EPB41L2: variants seen among roughly 807,000 people sequenced by gnomAD.
EPB41L2 encodes band 4.1-like protein 2.
Under a neutral mutation model 113.0 loss-of-function variants are expected in EPB41L2, and 43 were observed. The ratio of observed to expected loss-of-function variants is 0.38; its 90% CI spans 0.30 to 0.49. The LOEUF (loss-of-function observed/expected upper bound fraction) is 0.49. Ranked by LOEUF, EPB41L2 falls within the 20% of genes least tolerant of loss-of-function variation. EPB41L2 has a pLI of 0.95. For synonymous variants in EPB41L2, 442 were observed against 436.7 expected (o/e 1.01, Z -0.15); for missense variants, 1,147 against 1,223.4 (o/e 0.94, Z 0.93).
At chr6:131,046,159 A>C (rs1446916874) in intron 1 of EPB41L2, among the ~76,000 whole-genome samples, 1 of 150,260 alleles carries the variant, frequency 6.7e-6, no homozygotes, top group African/African-American at 2.5e-5. Flanking sequence ...GACTGAAGCA[A>C]TCCTCCTGCC....
chr6:130,923,406 G>A (rs773851312), intron 4 of EPB41L2, among the ~76,000 whole-genome samples: 4 of 152,146 alleles, frequency 2.6e-5, no homozygotes, highest in Admixed American at 6.5e-5. Context: ...ATAGCCTTAA[G>A]TGGCCCTGCA....
intron 1 of EPB41L2, chr6:131,014,183 C>A (rs1009281537): frequency 6.6e-6 from 1 of 152,052 alleles, no homozygotes; most frequent in Admixed American, 6.6e-5. Flanking sequence ...CAGGATGAAG[C>A]CGAAGTTCTT....
intron 14 of EPB41L2, chr6:130,872,529 C>A: frequency 7.8e-7 from 1 of 1,289,176 alleles, no homozygotes; most frequent in African/African-American, 1.5e-5. Context: ...GTTATCTCCT[C>A]TTCTAGGCTC....
chr6:130,904,881 A>G (rs1797264043), intron 5 of EPB41L2, among the ~76,000 whole-genome samples: 1 of 151,302 alleles, frequency 6.6e-6, no homozygotes, highest in African/African-American at 2.4e-5. Context: ...ATTCAATTTA[A>G]CCACAGGATC....
At chr6:131,042,196 A>C (rs1359139744) in intron 1 of EPB41L2, among the ~76,000 whole-genome samples, 1 of 152,200 alleles carries the variant, frequency 6.6e-6, no homozygotes, top group African/African-American at 2.4e-5. Context: ...ACTCAGTAAG[A>C]ATGCAGGGAA....
At chr6:130,870,923 C>A (rs192870292) in intron 14 of EPB41L2, among the ~76,000 whole-genome samples, 18 of 151,996 alleles carry the variant, frequency 1.2e-4, no homozygotes, top group Admixed American at 1.0e-3. Context: ...CTTTCCAATT[C>A]GTATCATAGG....
chr6:131,027,382 A>G (rs1358634574), intron 1 of EPB41L2, among the ~76,000 whole-genome samples: 1 of 146,606 alleles, frequency 6.8e-6, no homozygotes, highest in Non-Finnish European at 1.5e-5. Flanking sequence ...GTATTTTAAT[A>G]CAATAAAAGC....
At chr6:131,013,353 T>C (rs1787489098) in intron 1 of EPB41L2, among the ~76,000 whole-genome samples, 1 of 152,056 alleles carries the variant, frequency 6.6e-6, no homozygotes, top group African/African-American at 2.4e-5. Context: ...ACCAAGCACA[T>C]GGCTATAATA....
chr6:131,016,350 C>T (rs1426850474), intron 1 of EPB41L2, among the ~76,000 whole-genome samples: 1 of 152,084 alleles, frequency 6.6e-6, no homozygotes, highest in African/African-American at 2.4e-5. Flanking sequence ...ACACTAGAAA[C>T]AGCATTGAAT....
At chr6:131,018,605 G>A (rs1051031380) in intron 1 of EPB41L2, among the ~76,000 whole-genome samples, 3 of 151,958 alleles carry the variant, frequency 2.0e-5, no homozygotes, top group South Asian at 2.1e-4. Flanking sequence ...TCCCCTCCCC[G>A]CCAACTCATC....
chr6:130,884,660 G>T (rs1031143758), intron 12 of EPB41L2, among the ~76,000 whole-genome samples: 4 of 152,138 alleles, frequency 2.6e-5, no homozygotes, highest in Admixed American at 2.0e-4. Context: ...CTTTTCTTGA[G>T]AATTTCATTA....
chr6:130,930,328 G>A (rs1806398418), intron 3 of EPB41L2, among the ~76,000 whole-genome samples: 1 of 152,130 alleles, frequency 6.6e-6, no homozygotes, highest in Admixed American at 6.5e-5. Context: ...AGAATTACAG[G>A]TTGAGCATCC....
At chr6:130,973,027 G>A (rs540054026) in intron 1 of EPB41L2, among the ~76,000 whole-genome samples, 22 of 150,788 alleles carry the variant, frequency 1.5e-4, no homozygotes, top group Non-Finnish European at 2.9e-4. Flanking sequence ...CAGAAGAATC[G>A]CTTGAACCCG....
At chr6:130,976,908 C>T (rs887227664) in intron 1 of EPB41L2, among the ~76,000 whole-genome samples, 3 of 152,176 alleles carry the variant, frequency 2.0e-5, no homozygotes, top group African/African-American at 7.2e-5. Flanking sequence ...CAAGAATCTA[C>T]TGGACATTTA....
chr6:130,919,904 C>T (rs1047371103), intron 4 of EPB41L2, among the ~76,000 whole-genome samples: 3 of 152,202 alleles, frequency 2.0e-5, no homozygotes, highest in Non-Finnish European at 2.9e-5. Flanking sequence ...CACTGCTACC[C>T]TAGTCACTCT....
intron 18 of EPB41L2, among the ~76,000 whole-genome samples, chr6:130,859,208 A>C (rs1278489233): frequency 6.6e-6 from 1 of 152,246 alleles, no homozygotes; most frequent in Non-Finnish European, 1.5e-5. Flanking sequence ...AAAACATCAG[A>C]GAACCCTTGA....
At chr6:131,011,389 A>G (rs1196057477) in intron 1 of EPB41L2, among the ~76,000 whole-genome samples, 1 of 152,264 alleles carries the variant, frequency 6.6e-6, no homozygotes, top group East Asian at 1.9e-4. Flanking sequence ...CGGTAGGCCC[A>G]AGAACTTCTG....
intron 1 of EPB41L2, among the ~76,000 whole-genome samples, chr6:131,023,539 C>T (rs1318970283): frequency 1.3e-5 from 2 of 151,728 alleles, no homozygotes; most frequent in Non-Finnish European, 2.9e-5. Flanking sequence ...AAAAATTAGC[C>T]GGGCATGGTG....
chr6:131,059,086 A>C lies in EPB41L2; in HGVS notation c.-15+4069T>G, dbSNP rs9492796. On this transcript the variant is annotated intron_variant, in intron 1 of 19. Transcript: ENST00000337057. ...TTCTAGATGATAACTGAGATTATTT[A>C]TTTCTTTCCTTCTTGGCTTACCTAT... 6.0e-4 allele frequency among the ~76,000 whole-genome samples: 84 copies of C among 141,072 alleles called. No homozygotes were observed. In the South Asian group the frequency reaches 6.5e-3, roughly 11 times the overall value. 92.5% of individuals were successfully genotyped at this position (141,072 alleles called of 152,430 possible).
Sources: gnomAD v4.1 joint callset for allele counts (sites outside exome capture counted in the v4.1 genomes callset) on GRCh38, gnomAD v4.1.1 for gene constraint, MANE v1.5 for transcripts, NCBI Gene and HGNC (gene_info 2026-07-23, HGNC 2026-07-21) for gene names.